IRX2: variants seen among roughly 807,000 people sequenced by gnomAD.
The protein encoded by IRX2 is iroquois homeobox 2, also known as iroquois-class homeodomain protein IRX-2.
In IRX2, 26 loss-of-function variants were observed where a neutral mutation model predicts 42.9. That is an observed-to-expected ratio of 0.61 (90% CI 0.44 to 0.84). The LOEUF (loss-of-function observed/expected upper bound fraction) is 0.84, where lower values mean the gene tolerates loss of function less well. Ranked by LOEUF, IRX2 falls within the 40% of genes least tolerant of loss-of-function variation. IRX2 has a pLI of 0.00. For synonymous variants in IRX2, 424 were observed against 353.9 expected (o/e 1.20, Z -2.22); for missense variants, 782 against 713.9 (o/e 1.10, Z -1.09).
rs753006203 is a variant in IRX2 at position 2,748,566 on chromosome 5, G to C, written c.1142C>G (p.Pro381Arg). ...PYPASPLLGR[P>R]LYYTSPFYGN... is the part of the protein sequence containing the mutation. Reference sequence around the variant, plus strand: ...GTAGAAGGGCGACGTGTAGTAGAGGGGGCGGCCCAGCAGCGGCGAGGCAGG... The same window carrying C: ...GTAGAAGGGCGACGTGTAGTAGAGGCGGCGGCCCAGCAGCGGCGAGGCAGG... The change falls in exon 3 of 4, where the codon CCC becomes CGC. Residue 381 changes from proline (P) to arginine (R), a missense_variant. Pro to Arg is a moderately radical substitution (Grantham distance 103). Transcript: ENST00000302057. The C allele has an allele frequency of 7.7e-6, 12 of 1,566,916 alleles. No homozygotes were observed. The highest frequency in any genetic ancestry group is 1.4e-5 in the African/African-American group (1 of 70,430).
At position 2,751,416 on chromosome 5, in the gene IRX2, T is replaced by C. The variant is rs1253647579; in HGVS notation, c.-3A>G. ...AGGTAGCCCTGCGGGTAGGACATGG[T>C]GGGCGCGGGGCGCGGGGCCCGCGTC... On this transcript the variant is annotated 5_prime_UTR_variant, in exon 1 of 4. Coordinates refer to ENST00000302057, the MANE Select transcript of IRX2 (RefSeq NM_033267.5). This position sits in a 1 kb window ranked among gnomAD's most constrained non-coding sequence, Gnocchi z 4.0. The C allele has an allele frequency of 1.5e-6, 2 of 1,326,392 alleles. No individual in the cohort carries two copies. Among genetic ancestry groups the C allele is most frequent in the Non-Finnish European group, 1.9e-6 (2 of 1,037,052 alleles). The allele number at this position is 1,326,392 out of a possible 1,614,324, so 82.2% of individuals were successfully genotyped here.
chr5:2,750,599 A>G (rs775448668), intron 1 of IRX2, among the ~76,000 whole-genome samples: 12 of 152,202 alleles, frequency 7.9e-5, no homozygotes, highest in Non-Finnish European at 1.5e-4. Context: ...ATTTGAAAGC[A>G]TGGTCCGCTG....
In IRX2 at chr5:2,748,661, G is replaced by A. The variant is rs994618538; in HGVS notation, c.1047C>T (p.Cys349=). The A allele has an allele frequency of 2.8e-5, 39 of 1,380,044 alleles. No individual in the cohort carries two copies. In the Admixed American group the frequency reaches 7.8e-4, roughly 28 times the overall value. The allele number at this position is 1,380,044 out of a possible 1,614,324, so 85.5% of individuals were successfully genotyped here. Residue 349 remains cysteine (C), a synonymous_variant, in exon 3 of 4, where the codon TGC becomes TGT. Transcript: ENST00000302057. ...CGGCCGCGGGCAGCCCCGGTGGCCCGCAGCCCGGGCCCAGGCTCGGCTGCT... is the reference window on the plus strand; with the variant it reads ...CGGCCGCGGGCAGCCCCGGTGGCCCACAGCCCGGGCCCAGGCTCGGCTGCT... The part of the protein sequence containing the change: ...DLKQPSLGPG[C]GPPGLPAAAA...
intron 1 of IRX2, among the ~76,000 whole-genome samples, chr5:2,750,815 C>T (rs1298325228): frequency 3.3e-5 from 5 of 152,202 alleles, no homozygotes; most frequent in Non-Finnish European, 7.3e-5. Context: ...CCGCTCCGAA[C>T]GCCTCCCCAG....
chr5:2,744,309 G>A (rs1372700199), downstream of IRX2, among the ~76,000 whole-genome samples: 1 of 152,084 alleles, frequency 6.6e-6, no homozygotes, highest in Non-Finnish European at 1.5e-5. Flanking sequence ...TGATCTTTCC[G>A]TGTTTATTTT....
At position 2,748,617 on chromosome 5, in the gene IRX2, C is replaced by T. The variant is rs760914147; in HGVS notation, c.1091G>A (p.Gly364Glu). The change falls in exon 3 of 4, where the codon GGG (glycine) becomes GAG (glutamate). Residue 364 changes from glycine (G) to glutamate (E), a missense_variant. Physicochemically the swap from Gly to Glu is moderately conservative, Grantham distance 98. Transcript: ENST00000302057. Reference protein sequence around the residue: ...LPAAAAPASTGAPPGGSPYPA... With the variant: ...LPAAAAPASTEAPPGGSPYPA... ...GTAGGGCGAGCCTCCTGGCGGTGCC[C>T]CGGTTGAGGCCGGCGCGGCGGCCGC... 4.0e-6 allele frequency: 6 copies of T among 1,504,726 alleles called. No individual in the cohort carries two copies. The South Asian group carries it at 5.1e-5, about 13-fold the overall frequency. 93.2% of individuals were successfully genotyped at this position (1,504,726 alleles called of 1,614,324 possible). A position where few individuals can be genotyped will look rare whatever the true frequency, so the allele number is the denominator to read the frequency against.
rs757735989 is a variant in IRX2 at position 2,751,424 on chromosome 5, G to A, written c.-11C>T. On this transcript the variant is annotated 5_prime_UTR_variant, in exon 1 of 4. Coordinates refer to ENST00000302057, the MANE Select transcript of IRX2 (RefSeq NM_033267.5). The surrounding 1 kb of genome is among the most constrained non-coding windows in gnomAD (Gnocchi z 4.0). ...CTGCGGGTAGGACATGGTGGGCGCG[G>A]GGCGCGGGGCCCGCGTCACGCCGAG... 38 of 1,296,396 alleles carry A rather than the reference G, an allele frequency of 2.9e-5. No homozygotes were observed. The highest frequency in any genetic ancestry group is 3.7e-5 in the Non-Finnish European group (38 of 1,021,768). The allele number at this position is 1,296,396 out of a possible 1,614,324, so 80.3% of individuals were successfully genotyped here.
chr5:2,738,831 A>G, the IRX2 span, among the ~76,000 whole-genome samples: 2 of 152,196 alleles, frequency 1.3e-5, no homozygotes, highest in African/African-American at 4.8e-5. Flanking sequence ...CCAGAGCCCC[A>G]GTCAGGGCCG....
the IRX2 span, among the ~76,000 whole-genome samples, chr5:2,739,004 C>T: frequency 2.0e-4 from 30 of 152,184 alleles, no homozygotes; most frequent in Non-Finnish European, 4.0e-4. Flanking sequence ...CTCTCCGTCG[C>T]CTCCATCCCG....
In IRX2 at chr5:2,749,485, G is replaced by A. The variant is rs772710945; in HGVS notation, c.552C>T (p.Asn184=). 5 of 1,614,080 alleles carry A rather than the reference G, an allele frequency of 3.1e-6. No homozygotes were observed. The Admixed American group carries it at 5.0e-5, about 16-fold the overall frequency. ...KENKMTWAPR[N]KSEDEDEDEG... is the part of the protein sequence containing the mutation. ...CGTCCTCGTCCTCATCTTCGCTTTTGTTTCTCGGGGCCCAGGTCATCTTGT... is the reference window on the plus strand; with the variant it reads ...CGTCCTCGTCCTCATCTTCGCTTTTATTTCTCGGGGCCCAGGTCATCTTGT... The change falls in exon 2 of 4, where the codon AAC becomes AAT. Residue 184 remains asparagine (N), a synonymous_variant. Coordinates refer to ENST00000302057, the MANE Select transcript of IRX2 (RefSeq NM_033267.5).
Position 2,746,971 on chromosome 5 carries a change from T to A in IRX2, c.*593A>T, listed in dbSNP as rs1737689841. ...TACTGTTGTGAGCCCCGGGAGAATG[T>A]CAGAGTCCTGTCCACTTGGACATGG... On this transcript the variant is annotated 3_prime_UTR_variant, in exon 4 of 4. Transcript: ENST00000302057. The A allele has an allele frequency of 1.3e-5, 2 of 152,336 alleles. No individual in the cohort carries two copies. The highest frequency in any genetic ancestry group is 4.8e-5 in the African/African-American group (2 of 41,428). The allele number at this position is 152,336 out of a possible 1,614,324, so 9.4% of individuals were successfully genotyped here.
At chr5:2,740,188 C>A in the IRX2 span, among the ~76,000 whole-genome samples, 1 of 148,642 alleles carries the variant, frequency 6.7e-6, no homozygotes, top group Non-Finnish European at 1.5e-5. Flanking sequence ...CGTGCGGGGG[C>A]GGGGGTCCTG....
At chr5:2,749,279 C>G (rs1367120815) in intron 2 of IRX2, 103 bp downstream of exon 2, 1 of 1,482,688 alleles carries the variant, frequency 6.7e-7, no homozygotes, top group Non-Finnish European at 8.9e-7. Context: ...GGCTCCGGCC[C>G]GGACCTGGGG....
the IRX2 span, among the ~76,000 whole-genome samples, chr5:2,739,017 C>A: frequency 3.3e-5 from 5 of 152,216 alleles, no homozygotes; most frequent in African/African-American, 1.2e-4. Flanking sequence ...CCATCCCGGC[C>A]GCTGACTCCG....
chr5:2,742,488 A>G (rs779903702), downstream of IRX2, among the ~76,000 whole-genome samples: 6 of 152,382 alleles, frequency 3.9e-5, no homozygotes, highest in South Asian at 4.1e-4. Flanking sequence ...GATGTTAATC[A>G]TAATATCCAC....
At position 2,751,049 on chromosome 5, in the gene IRX2, G is replaced by T; in HGVS notation, c.249+116C>A. The T allele has an allele frequency of 8.8e-7, 1 of 1,138,530 alleles. No homozygotes were observed. Among genetic ancestry groups the T allele is most frequent in the Non-Finnish European group, 1.1e-6 (1 of 919,144 alleles). 70.5% of individuals were successfully genotyped at this position (1,138,530 alleles called of 1,614,324 possible). On this transcript the variant is annotated intron_variant, in intron 1 of 3. Transcript: ENST00000302057. This position sits in a 1 kb window ranked among gnomAD's most constrained non-coding sequence, Gnocchi z 4.0. Reference sequence around the variant, plus strand: ...CAACCGAGCCGGCGACTCCTGAGTCGCCAGCCGCGCCACATTCCCGGCGGC... The same window carrying T: ...CAACCGAGCCGGCGACTCCTGAGTCTCCAGCCGCGCCACATTCCCGGCGGC...
At chr5:2,747,659 C>T (rs778113463) in intron 3 of IRX2, 43 bp from the exon 4 acceptor site, 1 of 1,601,426 alleles carries the variant, frequency 6.2e-7, no homozygotes. Context: ...ACCCCACAGC[C>T]TGCTGGCTGC....
At chr5:2,744,396 A>T (rs1408234686), downstream of IRX2, among the ~76,000 whole-genome samples, 2 of 152,210 alleles carry the variant, frequency 1.3e-5, no homozygotes, top group Admixed American at 1.3e-4. Flanking sequence ...CATAGCAGAG[A>T]CATTGCTGCC....
chr5:2,738,852 CGGA>C, the IRX2 span, among the ~76,000 whole-genome samples: 1 of 152,198 alleles, frequency 6.6e-6, no homozygotes, highest in Non-Finnish European at 1.5e-5. Flanking sequence ...CCAGAGGTCG[CGGA>C]GGGTGAAGCC....
Sources: gnomAD v4.1 joint callset for allele counts (sites outside exome capture counted in the v4.1 genomes callset) on GRCh38, gnomAD v4.1.1 for gene constraint, Gnocchi (gnomAD v3.1) non-coding constraint, MANE v1.5 for transcripts, NCBI Gene and HGNC (gene_info 2026-07-23, HGNC 2026-07-21) for gene names.